Variants in PRKCZ observed in about 807,000 individuals in gnomAD.
PRKCZ encodes the protein protein kinase C zeta, also known as protein kinase C zeta type.
PRKCZ carries 33 observed loss-of-function variants against 79.5 expected under a neutral mutation model. The observed-to-expected ratio is 0.41, with a 90% CI of 0.31 to 0.55. The LOEUF (loss-of-function observed/expected upper bound fraction) is 0.55, where lower values mean the gene tolerates loss of function less well. Among genes scored for constraint, PRKCZ ranks in the 20% least tolerant of loss-of-function variants. The pLI is 0.19. For missense variants in PRKCZ, 578 were observed against 813.5 expected, an observed-to-expected ratio of 0.71 and a Z score of 3.52; for synonymous variants, 342 against 320.9, an observed-to-expected ratio of 1.07 and a Z score of -0.70.
intron 6 of PRKCZ, chr1:2,145,522 T>C (rs1678312477): frequency 6.5e-6 from 1 of 153,806 alleles, no homozygotes; most frequent in African/African-American, 2.4e-5. Flanking sequence ...GTAATGTTTA[T>C]GTTCTTTATC....
chr1:2,176,344 C>G (rs746539749), intron 16 of PRKCZ, among the ~76,000 whole-genome samples: 1 of 152,112 alleles, frequency 6.6e-6, no homozygotes, highest in African/African-American at 2.4e-5. Flanking sequence ...GCCGCTTGGT[C>G]GTGGGTTCTG....
rs1660487637 is a variant in PRKCZ at position 2,059,614 on chromosome 1, C to T, written c.334+23C>T. On this transcript the variant is annotated intron_variant, in intron 4 of 17. Transcript: ENST00000378567. ...ACAGTGAGTACTGGGGTTTCCTACG[C>T]CGGTCTCGCATGTTACGGGGTTGAA... The T allele has an allele frequency of 5.6e-6, 9 of 1,613,602 alleles. No homozygotes were observed. The South Asian group carries it at 8.8e-5, about 16-fold the overall frequency.
rs571306561 is a variant in PRKCZ at position 2,076,316 on chromosome 1, C to T, written c.334+16725C>T. Among the ~76,000 whole-genome samples, 8 of 152,252 alleles carry T rather than the reference C, an allele frequency of 5.3e-5. No individual in the cohort carries two copies. In the South Asian group the frequency reaches 1.2e-3, roughly 24 times the overall value. ...ACATGGCAGGGGGAAGTGGAACGTGCGGCCACTGCTCCCACCGTCCCTCAC... is the reference window on the plus strand; with the variant it reads ...ACATGGCAGGGGGAAGTGGAACGTGTGGCCACTGCTCCCACCGTCCCTCAC... On this transcript the variant is annotated intron_variant, in intron 4 of 17. Coordinates refer to ENST00000378567, the MANE Select transcript of PRKCZ (RefSeq NM_002744.6).
rs948729502 is a variant in PRKCZ at position 2,185,136 on chromosome 1, C to T, written c.*127C>T. The stretch of plus-strand genomic sequence containing the variant: ...CAGGGACAGACGCTTGCGCCGAGAC[C>T]GCAGAGGGAAGCGTCAGCGGGCGCT... On this transcript the variant is annotated 3_prime_UTR_variant, in exon 18 of 18. Coordinates refer to ENST00000378567, the MANE Select transcript of PRKCZ (RefSeq NM_002744.6). 26 of 930,864 alleles carry T rather than the reference C, an allele frequency of 2.8e-5. 1 individual carries two copies. The highest frequency in any genetic ancestry group is 2.2e-4 in the Middle Eastern group (1 of 4,636). The allele number at this position is 930,864 out of a possible 1,614,324, so 57.7% of individuals were successfully genotyped here. A position where few individuals can be genotyped will look rare whatever the true frequency, so the allele number is the denominator to read the frequency against.
At chr1:2,147,025 T>C (rs1678694222) in intron 7 of PRKCZ, among the ~76,000 whole-genome samples, 2 of 152,162 alleles carry the variant, frequency 1.3e-5, no homozygotes, top group Admixed American at 1.3e-4. Context: ...CAGCCAGCCA[T>C]CCTCCACCCA....
intron 4 of PRKCZ, among the ~76,000 whole-genome samples, chr1:2,070,026 G>A (rs1360957223): frequency 6.6e-6 from 1 of 152,206 alleles, no homozygotes; most frequent in Non-Finnish European, 1.5e-5. Flanking sequence ...AGCGCTGGAT[G>A]GTCAGCTGGA....
intron 9 of PRKCZ, among the ~76,000 whole-genome samples, chr1:2,151,593 G>A (rs1216802108): frequency 1.3e-5 from 2 of 152,236 alleles, no homozygotes; most frequent in African/African-American, 4.8e-5. Flanking sequence ...GTGGCTCTGT[G>A]TAGCAGATCT....
chr1:2,072,337 G>T (rs901326050), intron 4 of PRKCZ, among the ~76,000 whole-genome samples: 11 of 152,250 alleles, frequency 7.2e-5, no homozygotes, highest in Non-Finnish European at 1.6e-4. Context: ...TACTGTTCAG[G>T]CAGGTGTGGG....
At chr1:2,083,718 G>C (rs1473052531) in intron 4 of PRKCZ, among the ~76,000 whole-genome samples, 1 of 152,076 alleles carries the variant, frequency 6.6e-6, no homozygotes, top group Non-Finnish European at 1.5e-5. Flanking sequence ...GTGAATTCCA[G>C]TGTGTCAGGA....
chr1:2,175,301 A>T lies in PRKCZ; in HGVS notation c.1563A>T (p.Ile521=), dbSNP rs1210198963. ...AGTCCCACGCGTTCTTCCGCAGCAT[A>T]GACTGGGACTTGGTAAAGCATCACA... ...DIKSHAFFRS[I]DWDLLEKKQA... Residue 521 remains isoleucine (I), a synonymous_variant, in exon 16 of 18, where the codon ATA becomes ATT. Coordinates refer to ENST00000378567, the MANE Select transcript of PRKCZ (RefSeq NM_002744.6). The T allele has an allele frequency of 2.5e-6, 4 of 1,613,278 alleles. No homozygotes were observed. The highest frequency in any genetic ancestry group is 3.4e-6 in the Non-Finnish European group (4 of 1,179,470).
At position 2,184,611 on chromosome 1, in the gene PRKCZ, T is replaced by A. The variant is rs1273076106; in HGVS notation, c.1604T>A (p.Phe535Tyr). 6.2e-7 allele frequency: 1 copy of A among 1,613,810 alleles called. No individual in the cohort carries two copies. Among genetic ancestry groups the A allele is most frequent in the Non-Finnish European group, 8.5e-7 (1 of 1,180,008 alleles). The part of the protein sequence containing the change: ...LLEKKQALPP[F>Y]QPQITDDYGL... ...GAGAAGAAGCAGGCGCTCCCTCCAT[T>A]CCAGCCACAGATCACAGACGACTAC... is the stretch of plus-strand genomic sequence containing the variant. The change falls in exon 17 of 18, where the codon TTC becomes TAC. Residue 535 changes from phenylalanine (F) to tyrosine (Y), a missense_variant. This residue lies in a region of PRKCZ where 243 missense variants were observed against 467.0 expected (regional missense o/e 0.52). Coordinates refer to ENST00000378567, the MANE Select transcript of PRKCZ (RefSeq NM_002744.6).
At position 2,178,983 on chromosome 1, in the gene PRKCZ, C is replaced by T. The variant is rs1434378673; in HGVS notation, c.1575+3670C>T. Among the ~76,000 whole-genome samples the T allele has an allele frequency of 6.6e-6, 1 of 152,262 alleles. No homozygotes were observed. The highest frequency in any genetic ancestry group is 1.5e-5 in the Non-Finnish European group (1 of 68,044). On this transcript the variant is annotated intron_variant, in intron 16 of 17. Coordinates refer to ENST00000378567, the MANE Select transcript of PRKCZ (RefSeq NM_002744.6). This position sits in a 1 kb window ranked among gnomAD's most constrained non-coding sequence, Gnocchi z 4.3. ...TGAACCAGCACCACTCAGGCAGTCG[C>T]CGCCACTGGGGTGTGACTCTGGGGC...
chr1:2,083,224 G>A (rs1007763017), intron 4 of PRKCZ, among the ~76,000 whole-genome samples: 3 of 152,052 alleles, frequency 2.0e-5, no homozygotes, highest in Non-Finnish European at 2.9e-5. Context: ...AGGTGGCTGC[G>A]TCCATGTCTG....
At position 2,172,970 on chromosome 1, in the gene PRKCZ, G is replaced by T. The variant is rs893402625; in HGVS notation, c.1285+582G>T. On this transcript the variant is annotated intron_variant, in intron 13 of 17. Coordinates refer to ENST00000378567, the MANE Select transcript of PRKCZ (RefSeq NM_002744.6). This position sits in a 1 kb window ranked among gnomAD's most constrained non-coding sequence, Gnocchi z 7.8. ...GGCACGCGTGTGCAGCCGTGTGTGC[G>T]TGTGTGAAACGGGGACGTGGGCACG... Among the ~76,000 whole-genome samples the T allele has an allele frequency of 5.9e-5, 9 of 151,976 alleles. No homozygotes were observed. Among genetic ancestry groups the T allele is most frequent in the African/African-American group, 2.2e-4 (9 of 41,310 alleles).
intron 4 of PRKCZ, among the ~76,000 whole-genome samples, chr1:2,081,798 G>A (rs1261018529): frequency 6.6e-6 from 1 of 151,862 alleles, no homozygotes; most frequent in African/African-American, 2.4e-5. Context: ...GCTCAGGCAC[G>A]CCCCCCACAC....
chr1:2,174,734 A>G lies in PRKCZ; in HGVS notation c.1406-20A>G. On this transcript the variant is annotated intron_variant, in intron 14 of 17. Transcript: ENST00000378567. This position sits in a 1 kb window ranked among gnomAD's most constrained non-coding sequence, Gnocchi z 6.2. ...TGGCACACAACACAGGCAAGTCCTC[A>G]CCAGGCTCCGCCCTTGCAGTGATCC... 6.2e-7 allele frequency: 1 copy of G among 1,612,086 alleles called. No homozygotes were observed. Among genetic ancestry groups the G allele is most frequent in the Non-Finnish European group, 8.5e-7 (1 of 1,178,244 alleles).
intron 10 of PRKCZ, among the ~76,000 whole-genome samples, chr1:2,157,525 C>G (rs1681305509): frequency 1.3e-5 from 2 of 152,086 alleles, no homozygotes; most frequent in African/African-American, 2.4e-5. Flanking sequence ...TCAAGCAATT[C>G]TCCTGCCTCA....
chr1:2,062,459 A>G (rs1211674583), intron 4 of PRKCZ, among the ~76,000 whole-genome samples: 2 of 150,852 alleles, frequency 1.3e-5, no homozygotes, highest in Non-Finnish European at 2.9e-5. Context: ...AAATGCACAT[A>G]ACATCTATTT....
At chr1:2,109,847 C>T (rs1669368434) in intron 4 of PRKCZ, among the ~76,000 whole-genome samples, 1 of 152,210 alleles carries the variant, frequency 6.6e-6, no homozygotes. Flanking sequence ...GGAAAGCCGT[C>T]ATCCTGGAGC....
Sources: allele counts gnomAD v4.1 joint callset (sites outside exome capture counted in the v4.1 genomes callset), GRCh38; gene constraint gnomAD v4.1.1; regional missense constraint gnomAD v4.1.1; non-coding constraint Gnocchi (gnomAD v3.1); transcripts MANE v1.5; gene names NCBI Gene and HGNC (gene_info 2026-07-23, HGNC 2026-07-21).